Variants in PRH1 observed in about 807,000 individuals in gnomAD.
PRH1 encodes the protein proline rich protein HaeIII subfamily 1.
Under a neutral mutation model 7.9 loss-of-function variants are expected in PRH1, and 7 were observed. The observed-to-expected ratio is 0.89, with a 90% CI of 0.50 to 1.67. The LOEUF (loss-of-function observed/expected upper bound fraction) is 1.67. PRH1 is among the 40% of genes most tolerant of loss of function. The pLI, the probability that PRH1 is intolerant of heterozygous loss-of-function variation, is 0.00. For missense variants in PRH1, 109 were observed against 223.6 expected (o/e 0.49, Z 3.27); for synonymous variants, 45 against 80.8 (o/e 0.56, Z 2.38).
intron 1 of PRH1, among the ~76,000 whole-genome samples, chr12:11,016,551 A>G (rs1015039194): frequency 1.3e-5 from 2 of 151,358 alleles, no homozygotes; most frequent in African/African-American, 2.4e-5. Flanking sequence ...GTGTAGCCCA[A>G]GGTGGTCTGC....
chr12:11,051,494 C>T (rs932387338), upstream of PRH1, among the ~76,000 whole-genome samples: 24 of 152,130 alleles, frequency 1.6e-4, no homozygotes, highest in African/African-American at 5.6e-4. Flanking sequence ...GAAAACATAG[C>T]AATATGTCAT....
At chr12:11,064,179 C>T (rs1471715772) in intron 1 of PRH1, among the ~76,000 whole-genome samples, 1 of 152,106 alleles carries the variant, frequency 6.6e-6, no homozygotes, top group Non-Finnish European at 1.5e-5. Context: ...GTGATTATTT[C>T]CTTAATTTTC....
intron 1 of PRH1, among the ~76,000 whole-genome samples, chr12:11,163,502 G>A (rs866643150): frequency 3.3e-5 from 5 of 152,110 alleles, no homozygotes. Context: ...TAATAATTAA[G>A]CTGTTAGAAT....
chr12:10,954,109 G>A (rs1406532277), intron 2 of PRH1, among the ~76,000 whole-genome samples: 1 of 152,114 alleles, frequency 6.6e-6, no homozygotes, highest in Non-Finnish European at 1.5e-5. Flanking sequence ...GGTCCTGAAT[G>A]GATTGCTAAT....
intron 2 of PRH1, among the ~76,000 whole-genome samples, chr12:10,927,529 T>TGTCTATA (rs1404610877): frequency 6.6e-6 from 1 of 152,200 alleles, no homozygotes; most frequent in African/African-American, 2.4e-5. Flanking sequence ...ACTTCAAATA[T>TGTCTATA]GTCTATATTT....
intron 1 of PRH1, chr12:11,061,722 G>A (rs766317948): frequency 3.1e-6 from 5 of 1,614,118 alleles, no homozygotes; most frequent in Non-Finnish European, 4.2e-6. Context: ...AAGATATCAG[G>A]GTCAGAGTGA....
chr12:10,885,088 T>C (rs549173468), upstream of PRH1, among the ~76,000 whole-genome samples: 3 of 152,354 alleles, frequency 2.0e-5, no homozygotes, highest in African/African-American at 7.2e-5. Flanking sequence ...GAATATTCCA[T>C]AGAATTCATC....
chr12:10,930,130 G>A, intron 2 of PRH1: 3 of 1,012,148 alleles, frequency 3.0e-6, no homozygotes, highest in Admixed American at 4.1e-5. Context: ...TCCACTTCCG[G>A]TAGCATCAGA....
intron 2 of PRH1, chr12:10,930,276 C>A: frequency 8.1e-6 from 13 of 1,613,148 alleles, no homozygotes; most frequent in Non-Finnish European, 1.1e-5. Context: ...TAGATGTCAG[C>A]CAAGAAGACG....
intron 1 of PRH1, among the ~76,000 whole-genome samples, chr12:11,035,697 T>G (rs184329595): frequency 2.0e-4 from 30 of 152,326 alleles, no homozygotes; most frequent in African/African-American, 6.5e-4. Context: ...TAGAAGAAAC[T>G]GGAAATTGAT....
Position 10,883,090 on chromosome 12 carries a change from C to T in PRH1, c.71G>A (p.Ser24Asn). The T allele has an allele frequency of 6.2e-7, 1 of 1,613,218 alleles. No individual in the cohort carries two copies. ...TATTACGAGGGGAACATCTTCCTGG[C>T]TGACATCTAGAAAAGAAGTACAGGA... ...SSAQDLNEDV[S>N]QEDVPLVISD... Residue 24 changes from serine to asparagine, a missense_variant, in exon 2 of 4, where the codon AGC (serine) becomes AAC (asparagine). Transcript: ENST00000543626.
chr12:10,958,538 T>TAC (rs1938087471), intron 2 of PRH1, among the ~76,000 whole-genome samples: 1 of 152,080 alleles, frequency 6.6e-6, no homozygotes, highest in Non-Finnish European at 1.5e-5. Context: ...CCTGCACATG[T>TAC]ACCCCAGAAT....
intron 1 of PRH1, among the ~76,000 whole-genome samples, chr12:11,061,105 A>T (rs956179202): frequency 1.3e-5 from 2 of 152,092 alleles, no homozygotes; most frequent in East Asian, 3.8e-4. Context: ...ATTTTGTATA[A>T]TTTGGCAGTT....
intron 1 of PRH1, among the ~76,000 whole-genome samples, chr12:11,153,055 AAC>A (rs1401140130): frequency 3.9e-5 from 6 of 152,320 alleles, no homozygotes; most frequent in Non-Finnish European, 4.4e-5. Context: ...GCGGTGACAC[AAC>A]AGTTATTTAA....
In PRH1 at chr12:11,083,939, G is replaced by A. The variant is rs936996761; in HGVS notation, n.124-36751C>T. Among the ~76,000 whole-genome samples the A allele has an allele frequency of 1.8e-4, 8 of 45,338 alleles. No homozygotes were observed. In the South Asian group the frequency reaches 5.2e-3, roughly 30 times the overall value. The allele number at this position is 45,338 out of a possible 152,430, so 29.7% of individuals were successfully genotyped here. A position where few individuals can be genotyped will look rare whatever the true frequency, so the allele number is the denominator to read the frequency against. On this transcript the variant is annotated intron_variant and non_coding_transcript_variant, in intron 1 of 4. Coordinates refer to the PRH1 transcript ENST00000541977. ...ATGTTGCTCTAGTTGGTTCTGCTGG[G>A]ACAATTAAGTTCCCTTCAAAGACTC...
At chr12:11,121,034 T>C (rs1485727117) in exon 2 of PRH1, 3 of 153,846 alleles carry the variant, frequency 1.9e-5, no homozygotes, top group African/African-American at 7.2e-5. Flanking sequence ...TGCAGTCTTA[T>C]TCCCCTTCTC....
At chr12:10,986,862 T>C in intron 1 of PRH1, 2 of 1,506,038 alleles carry the variant, frequency 1.3e-6, no homozygotes, top group Non-Finnish European at 1.8e-6. Context: ...AGTTATCATA[T>C]CTGAGCAGAA....
intron 1 of PRH1, among the ~76,000 whole-genome samples, chr12:11,144,971 T>G (rs1256172213): frequency 6.6e-6 from 1 of 152,218 alleles, no homozygotes; most frequent in Non-Finnish European, 1.5e-5. Flanking sequence ...AGGAGCACTC[T>G]GCTTCCTTCA....
intron 1 of PRH1, among the ~76,000 whole-genome samples, chr12:11,160,987 A>C (rs1384599568): frequency 6.6e-6 from 1 of 152,178 alleles, no homozygotes; most frequent in Non-Finnish European, 1.5e-5. Context: ...TTTTCTAAGC[A>C]TATAGACTAT....
Sources: gnomAD v4.1 joint callset for allele counts (sites outside exome capture counted in the v4.1 genomes callset) on GRCh38, gnomAD v4.1.1 for gene constraint, MANE v1.5 for transcripts, NCBI Gene and HGNC (gene_info 2026-07-23, HGNC 2026-07-21) for gene names.